Variants in METTL15 observed in about 807,000 individuals in gnomAD.
METTL15 encodes methyltransferase 15, mitochondrial 12S rRNA N4-cytidine.
Under a neutral mutation model 38.3 loss-of-function variants are expected in METTL15, and 34 were observed. The ratio of observed to expected loss-of-function variants is 0.89; its 90% CI spans 0.68 to 1.18. The LOEUF is 1.18. Among genes scored for constraint, METTL15 ranks in the 50% most tolerant of loss-of-function variants. The pLI is 0.00. For synonymous variants in METTL15, 162 were observed against 170.9 expected, an observed-to-expected ratio of 0.95 and a Z score of 0.41; for missense variants, 438 against 498.4, an observed-to-expected ratio of 0.88 and a Z score of 1.15.
At chr11:28,310,765 A>G (rs1857247192) in intron 6 of METTL15, among the ~76,000 whole-genome samples, 3 of 152,056 alleles carry the variant, frequency 2.0e-5, no homozygotes, top group Middle Eastern at 3.2e-3. Context: ...TCCCCTAAAC[A>G]TGTCTTACAT....
At chr11:28,375,092 A>G (rs1347852647) in intron 5 of METTL15, among the ~76,000 whole-genome samples, 2 of 149,874 alleles carry the variant, frequency 1.3e-5, no homozygotes, top group African/African-American at 4.9e-5. Flanking sequence ...TGATTTTTGC[A>G]TCAATGTTCA....
chr11:28,271,647 A>C (rs1023486467), intron 4 of METTL15, among the ~76,000 whole-genome samples: 5 of 152,192 alleles, frequency 3.3e-5, no homozygotes, highest in African/African-American at 9.7e-5. Flanking sequence ...TTCTCCTGGC[A>C]TGCCATTCTA....
chr11:28,203,263 T>C (rs1852182521), intron 3 of METTL15, among the ~76,000 whole-genome samples: 1 of 152,102 alleles, frequency 6.6e-6, no homozygotes, highest in Admixed American at 6.6e-5. Flanking sequence ...CTATAACCTG[T>C]CAGTAAGTCA....
intron 5 of METTL15, among the ~76,000 whole-genome samples, chr11:28,395,523 T>C (rs961844416): frequency 5.9e-5 from 9 of 152,116 alleles, no homozygotes; most frequent in African/African-American, 2.2e-4. Flanking sequence ...GTTAAATTCC[T>C]GGACACATAC....
Position 28,276,201 on chromosome 11 carries a change from G to A in METTL15, c.408-14005G>A, listed in dbSNP as rs776741973. Among the ~76,000 whole-genome samples, 5 of 152,138 alleles carry A rather than the reference G, an allele frequency of 3.3e-5. No homozygotes were observed. The South Asian group carries it at 8.3e-4, about 25-fold the overall frequency. ...AATTTTATATCTGGAACAAGCTAAA[G>A]ACTCTGCCAGAAACCTTTTAGATTT... On this transcript the variant is annotated intron_variant, in intron 4 of 6. Coordinates refer to ENST00000407364, the MANE Select transcript of METTL15 (RefSeq NM_001113528.2).
chr11:28,294,729 A>G (rs1049199435), intron 5 of METTL15, among the ~76,000 whole-genome samples: 5 of 152,112 alleles, frequency 3.3e-5, no homozygotes, highest in Non-Finnish European at 7.4e-5. Flanking sequence ...ATGAATGCCT[A>G]TTCTGAAGCT....
intron 3 of METTL15, among the ~76,000 whole-genome samples, chr11:28,117,584 A>G (rs1852031445): frequency 6.6e-6 from 1 of 152,166 alleles, no homozygotes; most frequent in Admixed American, 6.5e-5. Context: ...CTGTTCAAGT[A>G]CCTACAAATG....
At chr11:28,240,468 T>G (rs1022713230) in intron 4 of METTL15, among the ~76,000 whole-genome samples, 3 of 152,150 alleles carry the variant, frequency 2.0e-5, no homozygotes, top group Non-Finnish European at 4.4e-5. Context: ...TCGCATTCAT[T>G]TATTTCATTT....
chr11:28,398,277 A>T (rs1850594368), intron 5 of METTL15, among the ~76,000 whole-genome samples: 1 of 151,944 alleles, frequency 6.6e-6, no homozygotes, highest in Non-Finnish European at 1.5e-5. Context: ...TTTTTAAAAT[A>T]ATAAACAAAA....
intron 6 of METTL15, among the ~76,000 whole-genome samples, chr11:28,315,244 T>C (rs1021081598): frequency 6.6e-6 from 1 of 152,132 alleles, no homozygotes; most frequent in Non-Finnish European, 1.5e-5. Flanking sequence ...GATTGAGATA[T>C]GGATAATAAA....
chr11:28,204,154 G>C (rs892341903), intron 3 of METTL15, among the ~76,000 whole-genome samples: 5 of 152,004 alleles, frequency 3.3e-5, no homozygotes, highest in Non-Finnish European at 5.9e-5. Flanking sequence ...GCCACATTAA[G>C]TTGGAGGTAA....
intron 6 of METTL15, among the ~76,000 whole-genome samples, chr11:28,445,185 TG>T (rs140762479): frequency 0.014 from 2,194 of 152,280 alleles, 31 homozygotes; most frequent in African/African-American, 0.04. Context: ...CCTAAGTCAG[TG>T]TTTCAACATT....
chr11:28,423,779 G>T (rs956336253), intron 5 of METTL15, among the ~76,000 whole-genome samples: 35 of 151,858 alleles, frequency 2.3e-4, no homozygotes, highest in African/African-American at 8.5e-4. Flanking sequence ...GAATGAGTAA[G>T]ACCTAGTATT....
intron 4 of METTL15, among the ~76,000 whole-genome samples, chr11:28,287,875 G>A (rs1379177216): frequency 6.6e-6 from 1 of 152,076 alleles, no homozygotes; most frequent in Admixed American, 6.6e-5. Flanking sequence ...CTGGGGACCA[G>A]GGGGCAACCC....
At chr11:28,485,060 G>A (rs1322429512) in intron 6 of METTL15, among the ~76,000 whole-genome samples, 1 of 151,590 alleles carries the variant, frequency 6.6e-6, no homozygotes, top group African/African-American at 2.4e-5. Context: ...CTAAGTTCCT[G>A]GTAATGAAGT....
intron 5 of METTL15, among the ~76,000 whole-genome samples, chr11:28,383,907 C>T (rs773611259): frequency 6.6e-5 from 10 of 152,042 alleles, no homozygotes; most frequent in Non-Finnish European, 1.3e-4. Context: ...ATTATTTTGT[C>T]ATCCAGTGAC....
chr11:28,393,972 A>G (rs1382377584), intron 5 of METTL15, among the ~76,000 whole-genome samples: 1 of 43,340 alleles, frequency 2.3e-5, no homozygotes. Flanking sequence ...AAAAATATGT[A>G]TGTGTGTGTA....
chr11:28,216,983 C>G (rs1032532178), intron 4 of METTL15, among the ~76,000 whole-genome samples: 1 of 151,828 alleles, frequency 6.6e-6, no homozygotes, highest in African/African-American at 2.4e-5. Flanking sequence ...TGGGTTGGTT[C>G]CAAGTCTTTG....
intron 4 of METTL15, among the ~76,000 whole-genome samples, chr11:28,234,059 G>A (rs1011686718): frequency 5.3e-5 from 8 of 151,188 alleles, no homozygotes; most frequent in African/African-American, 1.5e-4. Context: ...ATGGTGTTTG[G>A]TTTTTTGTCC....
Sources: allele counts gnomAD v4.1 joint callset (sites outside exome capture counted in the v4.1 genomes callset), GRCh38; gene constraint gnomAD v4.1.1; transcripts MANE v1.5; gene names NCBI Gene and HGNC (gene_info 2026-07-23, HGNC 2026-07-21).